The following PRDM16 variants were observed in gnomAD, a reference collection of about 807,000 sequenced individuals.
PRDM16 encodes PR/SET domain 16, also known as histone-lysine N-methyltransferase PRDM16.
Under a neutral mutation model 110.6 loss-of-function variants are expected in PRDM16, and 23 were observed. The observed-to-expected ratio is 0.21, with a 90% confidence interval of 0.15 to 0.29. The LOEUF (loss-of-function observed/expected upper bound fraction) is 0.29. PRDM16 is among the 10% of genes least tolerant of loss of function. The pLI, the probability that PRDM16 is intolerant of heterozygous loss-of-function variation, is 1.00. For synonymous variants in PRDM16, 799 were observed against 781.8 expected, an observed-to-expected ratio of 1.02 and a Z score of -0.37; for missense variants, 1,615 against 1,794.3, an observed-to-expected ratio of 0.90 and a Z score of 1.81.
chr1:3,114,052 GTTGCCAAGTTTTGAAGTGTAGATTTGTAT>G (rs550779613), intron 1 of PRDM16, among the ~76,000 whole-genome samples: 1 of 152,330 alleles, frequency 6.6e-6, no homozygotes, highest in South Asian at 2.1e-4. Context: ...CAGGGACAAA[GTTGCCAAGTTTTGAAGTGTAGATTTGTAT>G]TTGCATGTTC....
intron 2 of PRDM16, among the ~76,000 whole-genome samples, chr1:3,232,843 C>A (rs974637507): frequency 6.6e-6 from 1 of 152,154 alleles, no homozygotes; most frequent in Non-Finnish European, 1.5e-5. Flanking sequence ...CAGATTCTCC[C>A]ACCCAGTCCT....
At chr1:3,254,324 AGAAGGAAATAAAGGGTATTCAATTAG>A (rs1201736779) in intron 3 of PRDM16, among the ~76,000 whole-genome samples, 1 of 152,208 alleles carries the variant, frequency 6.6e-6, no homozygotes, top group African/African-American at 2.4e-5. Flanking sequence ...GTTAGGCAGG[AGAAGGAAATAAAGGGTATTCAATTAG>A]GAAAAGAGGA....
At position 3,311,142 on chromosome 1, in the gene PRDM16, C is replaced by T. The variant is rs117005648; in HGVS notation, c.438+67005C>T. Among the ~76,000 whole-genome samples the T allele has an allele frequency of 2.1e-3, 316 of 152,298 alleles. 1 individual carries two copies. The highest frequency in any genetic ancestry group is 6.7e-3 in the African/African-American group (280 of 41,578). Reference sequence around the variant, plus strand: ...GTGAGGTGGGGAAGGGTTAACCCGCCGAGGGCTGATGGCCCAAGCTCTGTC... The same window carrying T: ...GTGAGGTGGGGAAGGGTTAACCCGCTGAGGGCTGATGGCCCAAGCTCTGTC... On this transcript the variant is annotated intron_variant, in intron 3 of 16. Transcript: ENST00000270722.
chr1:3,327,738 G>T (rs1053522326), intron 3 of PRDM16, among the ~76,000 whole-genome samples: 1 of 152,146 alleles, frequency 6.6e-6, no homozygotes, highest in Non-Finnish European at 1.5e-5. Flanking sequence ...ACTGCACTTG[G>T]CCCCCACCCA....
chr1:3,216,525 G>T (rs996056812), intron 2 of PRDM16, among the ~76,000 whole-genome samples: 6 of 152,190 alleles, frequency 3.9e-5, no homozygotes, highest in African/African-American at 1.4e-4. Context: ...GGTTTCAGAT[G>T]CCCCCGGTGG....
chr1:3,156,777 G>A (rs1013874262), intron 1 of PRDM16, among the ~76,000 whole-genome samples: 3 of 152,228 alleles, frequency 2.0e-5, no homozygotes, highest in Non-Finnish European at 4.4e-5. Flanking sequence ...CAAAGCCAGA[G>A]TCCCAGGGCC....
chr1:3,418,852 A>C (rs1638348302), intron 12 of PRDM16, 108 bp downstream of exon 12: 1 of 850,230 alleles, frequency 1.2e-6, no homozygotes, highest in Admixed American at 1.9e-5. Flanking sequence ...TGCTGGAGTG[A>C]GCAGGCAGTG....
chr1:3,089,849 C>T (rs555130931), intron 1 of PRDM16, among the ~76,000 whole-genome samples: 24 of 152,350 alleles, frequency 1.6e-4, no homozygotes, highest in African/African-American at 5.1e-4. Context: ...CAACTTCCTC[C>T]GGCCGACCGA....
chr1:3,365,215 C>A (rs1456913386), intron 3 of PRDM16, among the ~76,000 whole-genome samples: 1 of 152,150 alleles, frequency 6.6e-6, no homozygotes, highest in Non-Finnish European at 1.5e-5. Context: ...GGCGCAGTGA[C>A]CCTGGGCGCC....
At chr1:3,331,961 A>G (rs1235234926) in intron 3 of PRDM16, among the ~76,000 whole-genome samples, 2 of 152,344 alleles carry the variant, frequency 1.3e-5, no homozygotes, top group East Asian at 3.9e-4. Context: ...CAGTGGCTCT[A>G]TCATGCCCCT....
At chr1:3,284,216 A>C (rs538028714) in intron 3 of PRDM16, among the ~76,000 whole-genome samples, 7 of 152,350 alleles carry the variant, frequency 4.6e-5, no homozygotes, top group Non-Finnish European at 7.3e-5. Context: ...GCAAACCGAC[A>C]TTAAGCGTCC....
At chr1:3,269,193 C>G (rs1640369655) in intron 3 of PRDM16, among the ~76,000 whole-genome samples, 1 of 152,252 alleles carries the variant, frequency 6.6e-6, no homozygotes, top group Non-Finnish European at 1.5e-5. Context: ...TCCCAAGGAG[C>G]AGGCAGTGGC....
intron 1 of PRDM16, among the ~76,000 whole-genome samples, chr1:3,114,400 GCACACA>G (rs1176438812): frequency 3.1e-5 from 3 of 97,954 alleles, no homozygotes; most frequent in Admixed American, 1.2e-4. Context: ...GCACGCACGC[GCACACA>G]CACGCACACA....
Position 3,438,032 on chromosome 1 carries a change from G to A in PRDM16, c.*4221G>A, listed in dbSNP as rs537943373. On this transcript the variant is annotated 3_prime_UTR_variant, in exon 17 of 17. Coordinates refer to ENST00000270722, the MANE Select transcript of PRDM16 (RefSeq NM_022114.4). ...TACATTACAGATTTGGTTTAGTTTT[G>A]TTTTGTTTTGTTTTTTCTTTTAGAA... 1.1e-3 allele frequency: 220 copies of A among 208,150 alleles called. 3 individuals are homozygous for A. The highest frequency in any genetic ancestry group is 1.6e-3 in the Non-Finnish European group (168 of 102,078). 12.9% of individuals were successfully genotyped at this position (208,150 alleles called of 1,614,324 possible). A position where few individuals can be genotyped will look rare whatever the true frequency, so the allele number is the denominator to read the frequency against.
In PRDM16 at chr1:3,425,759, C is replaced by T. The variant is rs369808146; in HGVS notation, c.3109+9C>T. On this transcript the variant is annotated intron_variant, in intron 13 of 16. Coordinates refer to ENST00000270722, the MANE Select transcript of PRDM16 (RefSeq NM_022114.4). This position sits in a 1 kb window ranked among gnomAD's most constrained non-coding sequence, Gnocchi z 6.9. ...GCACGAGAACGCACCAGGTGGGCCA[C>T]GCGGGGTGGGGCAGCCCCCAGAGCA... 6.1e-5 allele frequency: 98 copies of T among 1,613,062 alleles called. No homozygotes were observed. In the African/African-American group the frequency reaches 6.3e-4, roughly 10 times the overall value.
At chr1:3,248,800 G>A (rs889597307) in intron 3 of PRDM16, among the ~76,000 whole-genome samples, 1 of 152,224 alleles carries the variant, frequency 6.6e-6, no homozygotes, top group South Asian at 2.1e-4. Context: ...TAGAACCATG[G>A]CCTGTCCCAC....
chr1:3,232,926 C>T, intron 2 of PRDM16, among the ~76,000 whole-genome samples: 1 of 152,164 alleles, frequency 6.6e-6, no homozygotes, highest in East Asian at 1.9e-4. Flanking sequence ...TTCTTATTCA[C>T]TTATGATTAT....
At chr1:3,305,605 C>CA (rs755767261) in intron 3 of PRDM16, among the ~76,000 whole-genome samples, 43 of 151,362 alleles carry the variant, frequency 2.8e-4, no homozygotes, top group Non-Finnish European at 5.6e-4. Flanking sequence ...TAAAATCCTT[C>CA]GTGGAGTCAA....
intron 2 of PRDM16, among the ~76,000 whole-genome samples, chr1:3,224,980 A>G (rs1350621844): frequency 1.1e-4 from 16 of 152,260 alleles, no homozygotes; most frequent in Admixed American, 1.0e-3. Context: ...AAAGAGCAAG[A>G]AAAGGCCAAG....
Sources: allele counts gnomAD v4.1 joint callset (sites outside exome capture counted in the v4.1 genomes callset), GRCh38; gene constraint gnomAD v4.1.1; non-coding constraint Gnocchi (gnomAD v3.1); transcripts MANE v1.5; gene names NCBI Gene and HGNC (gene_info 2026-07-23, HGNC 2026-07-21).